OR7A10: variants seen among roughly 807,000 people sequenced by gnomAD.
OR7A10 encodes olfactory receptor family 7 subfamily A member 10.
For missense variants in OR7A10, 358 were observed against 370.1 expected (o/e 0.97, Z 0.27); for synonymous variants, 144 against 144.5 (o/e 1.00, Z 0.02).
At chr19:14,847,117 A>G (rs2044946566) in intron 1 of OR7A10, among the ~76,000 whole-genome samples, 1 of 152,266 alleles carries the variant, frequency 6.6e-6, no homozygotes, top group African/African-American at 2.4e-5. Flanking sequence ...TAACTCACAT[A>G]AAAGAACTAA....
chr19:14,845,567 G>C (rs899062614), intron 1 of OR7A10, among the ~76,000 whole-genome samples: 4 of 152,072 alleles, frequency 2.6e-5, no homozygotes, highest in Non-Finnish European at 5.9e-5. Context: ...TCTGTCACAC[G>C]CATCAGCCTG....
Position 14,840,963 on chromosome 19 carries a change from G to A in OR7A10, c.915C>T (p.Phe305=), listed in dbSNP as rs1214726427. 6.2e-7 allele frequency: 1 copy of A among 1,608,922 alleles called. No homozygotes were observed. Among genetic ancestry groups the A allele is most frequent in the African/African-American group, 1.3e-5 (1 of 74,750 alleles). The part of the protein sequence containing the change: ...KHIKGAMKTF[F]RGKQ ...AATAGCCTTTCTATTGCTTTCCTCT[G>A]AAGAATGTTTTCATAGCACCCTTTA... The change falls in exon 2 of 2, where the codon TTC becomes TTT. Residue 305 remains phenylalanine, a synonymous_variant. Coordinates refer to ENST00000641129, the MANE Select transcript of OR7A10 (RefSeq NM_001005190.2).
At position 14,841,652 on chromosome 19, in the gene OR7A10, T is replaced by C; in HGVS notation, c.226A>G (p.Thr76Ala). 1 of 1,614,114 alleles carries C rather than the reference T, an allele frequency of 6.2e-7. No individual in the cohort carries two copies. Among genetic ancestry groups the C allele is most frequent in the South Asian group, 1.1e-5 (1 of 91,076 alleles). The change falls in exon 2 of 2, where the codon ACC becomes GCC. Residue 76 changes from threonine (T) to alanine (A), a missense_variant. By Grantham distance (58) the Thr-to-Ala change is moderately conservative (BLOSUM62 0). Coordinates refer to ENST00000641129, the MANE Select transcript of OR7A10 (RefSeq NM_001005190.2). Reference protein sequence around the residue: ...LSFVDICFVSTTVPKMLVNIQ... With the variant: ...LSFVDICFVSATVPKMLVNIQ... Reference sequence around the variant, plus strand: ...TTCACCAGCATCTTCGGGACAGTGGTAGAGACAAAACAGATGTCTACGAAG... The same window carrying C: ...TTCACCAGCATCTTCGGGACAGTGGCAGAGACAAAACAGATGTCTACGAAG...
rs761024153 is a variant in OR7A10 at position 14,843,360 on chromosome 19, G to A, written c.-12-1471C>T. ...TCTAGCTAATTAGCATCTACATGAC[G>A]TCACCTTGTCATCATTTTTGTGAGG... is the stretch of plus-strand genomic sequence containing the variant. On this transcript the variant is annotated intron_variant, in intron 1 of 1. Transcript: ENST00000641129. Among the ~76,000 whole-genome samples, 8 of 152,258 alleles carry A rather than the reference G, an allele frequency of 5.3e-5. No homozygotes were observed. In the South Asian group the frequency reaches 6.2e-4, roughly 12 times the overall value.
chr19:14,845,254 C>A (rs531608815), intron 1 of OR7A10, among the ~76,000 whole-genome samples: 1 of 151,320 alleles, frequency 6.6e-6, no homozygotes, highest in African/African-American at 2.4e-5. Flanking sequence ...GCAGGCGGAC[C>A]GCCTGAGGTC....
chr19:14,845,620 T>C (rs1434817624), intron 1 of OR7A10, among the ~76,000 whole-genome samples: 1 of 152,158 alleles, frequency 6.6e-6, no homozygotes, highest in Non-Finnish European at 1.5e-5. Flanking sequence ...GGGTTGGAAC[T>C]TACAAACAGG....
At position 14,841,692 on chromosome 19, in the gene OR7A10, G is replaced by A. The variant is rs778663509; in HGVS notation, c.186C>T (p.Phe62=). 1 of 1,614,204 alleles carries A rather than the reference G, an allele frequency of 6.2e-7. No homozygotes were observed. The part of the protein sequence containing the change: ...DSHLHTPMYF[F]LSNLSFVDIC... ...TGTCTACGAAGGACAGGTTGGAGAG[G>A]AAGAAGTACATGGGGGTGTGGAGGT... Residue 62 remains phenylalanine (F), a synonymous_variant, in exon 2 of 2, where the codon TTC becomes TTT. Transcript: ENST00000641129.
In OR7A10 at chr19:14,848,813, G is replaced by T. The variant is rs2044956082; in HGVS notation, c.-326C>A. 1 of 152,180 alleles carries T rather than the reference G, an allele frequency of 6.6e-6. No individual in the cohort carries two copies. The highest frequency in any genetic ancestry group is 2.1e-4 in the South Asian group (1 of 4,830). The allele number at this position is 152,180 out of a possible 1,614,324, so 9.4% of individuals were successfully genotyped here. ...TGTGGGACATTGCTCTTCATGGAAA[G>T]AAATTTTTTTCTTGCATACTCAGTT... On this transcript the variant is annotated 5_prime_UTR_variant, in exon 1 of 2. Transcript: ENST00000641129.
intron 1 of OR7A10, among the ~76,000 whole-genome samples, chr19:14,842,282 C>T (rs188483232): frequency 2.6e-5 from 4 of 152,338 alleles, no homozygotes; most frequent in East Asian, 1.9e-4. Flanking sequence ...GATGGAGTCT[C>T]GCTCTGTCAC....
In OR7A10 at chr19:14,841,444, A is replaced by G. The variant is rs1417676372; in HGVS notation, c.434T>C (p.Val145Ala). ...IMNPQLCGLL[V>A]LASWIMSVLN... is the part of the protein sequence containing the mutation. ...AACACTCATGATCCAGGATGCCAGA[A>G]CCAGCAGTCCACAGAGTTGAGGGTT... Residue 145 changes from valine (V) to alanine (A), a missense_variant, in exon 2 of 2, where the codon GTT becomes GCT. By Grantham distance (64) the Val-to-Ala change is moderately conservative. Coordinates refer to ENST00000641129, the MANE Select transcript of OR7A10 (RefSeq NM_001005190.2). 1.2e-6 allele frequency: 2 copies of G among 1,614,076 alleles called. No homozygotes were observed. Among genetic ancestry groups the G allele is most frequent in the Non-Finnish European group, 1.7e-6 (2 of 1,180,042 alleles).
At chr19:14,847,617 C>T (rs2044948919) in intron 1 of OR7A10, among the ~76,000 whole-genome samples, 2 of 152,010 alleles carry the variant, frequency 1.3e-5, no homozygotes, top group South Asian at 2.1e-4. Flanking sequence ...TTGACGCCAT[C>T]CTCCTGCCTC....
At position 14,841,800 on chromosome 19, in the gene OR7A10, G is replaced by A; in HGVS notation, c.78C>T (p.Phe26=). 1 of 1,613,974 alleles carries A rather than the reference G, an allele frequency of 6.2e-7. No homozygotes were observed. Among genetic ancestry groups the A allele is most frequent in the Non-Finnish European group, 8.5e-7 (1 of 1,180,008 alleles). ...ACATGGACAGGAACAGCCCAAAGAG[G>A]AAGGCCTGCAATTCTGGTTCCTCTG... is the stretch of plus-strand genomic sequence containing the variant. ...GISEEPELQA[F]LFGLFLSMYL... The change falls in exon 2 of 2, where the codon TTC becomes TTT. Residue 26 remains phenylalanine (F), a synonymous_variant. Transcript: ENST00000641129.
At chr19:14,843,788 T>C (rs73506455) in intron 1 of OR7A10, among the ~76,000 whole-genome samples, 32,404 of 152,106 alleles carry the variant, frequency 0.21, 3,654 homozygotes, top group South Asian at 0.32. Flanking sequence ...ACAGAAGTCC[T>C]TGTGTTAGTT....
rs1348866444 is a variant in OR7A10 at position 14,844,664 on chromosome 19, G to GTTTTT, written c.-12-2780_-12-2776dup. Among the ~76,000 whole-genome samples, 196 of 97,654 alleles carry GTTTTT rather than the reference G, an allele frequency of 2.0e-3. 16 individuals carry two copies. The highest frequency in any genetic ancestry group is 0.011 in the Middle Eastern group (2 of 174). The allele number at this position is 97,654 out of a possible 152,430, so 64.1% of individuals were successfully genotyped here. ...TTTTCACTGTTGCCTTGAGTTCTGT[G>GTTTTT]TTTTTTTTTTTTTTTTGAGATGGAG... On this transcript the variant is annotated intron_variant, in intron 1 of 1. Transcript: ENST00000641129.
intron 1 of OR7A10, among the ~76,000 whole-genome samples, chr19:14,846,727 G>GAAAAAAAAAAAAAAAAAAA (rs1242384296): frequency 2.7e-5 from 2 of 75,090 alleles, no homozygotes. Flanking sequence ...AAAAAAAAAG[G>GAAAAAAAAAAAAAAAAAAA]AAAAGGAAGT....
intron 1 of OR7A10, among the ~76,000 whole-genome samples, chr19:14,847,002 A>G (rs1479469582): frequency 6.6e-6 from 1 of 152,354 alleles, no homozygotes; most frequent in East Asian, 1.9e-4. Context: ...TTGGCTACAC[A>G]AGCTTTTTAA....
At position 14,841,152 on chromosome 19, in the gene OR7A10, T is replaced by A. The variant is rs2044909029; in HGVS notation, c.726A>T (p.Ala242=). Reference sequence around the variant, plus strand: ...ATAAGGAGACAACTGAGAGGTGAGATGCACAGGTGGAAAATGCCTTATACT... The same window carrying A: ...ATAAGGAGACAACTGAGAGGTGAGAAGCACAGGTGGAAAATGCCTTATACT... ...QGKYKAFSTC[A]SHLSVVSLFY... Residue 242 remains alanine, a synonymous_variant, in exon 2 of 2, where the codon GCA becomes GCT. Transcript: ENST00000641129. 1.2e-6 allele frequency: 2 copies of A among 1,613,952 alleles called. No individual in the cohort carries two copies. Among genetic ancestry groups the A allele is most frequent in the South Asian group, 1.1e-5 (1 of 91,076 alleles).
rs988351397 is a variant in OR7A10 at position 14,845,427 on chromosome 19, A to C, written c.-13+3073T>G. On this transcript the variant is annotated intron_variant, in intron 1 of 1. Transcript: ENST00000641129. The stretch of plus-strand genomic sequence containing the variant: ...AAGGCGGAGGCTGTGGTGAGTTGAG[A>C]TTGCGCCCCTGGACTCCAGCCTGGG... Among the ~76,000 whole-genome samples, 10 of 152,070 alleles carry C rather than the reference A, an allele frequency of 6.6e-5. 1 individual carries two copies. The highest frequency in any genetic ancestry group is 3.9e-4 in the Admixed American group (6 of 15,262).
chr19:14,843,727 T>C (rs1599932298), intron 1 of OR7A10, among the ~76,000 whole-genome samples: 1 of 152,312 alleles, frequency 6.6e-6, no homozygotes, highest in East Asian at 1.9e-4. Flanking sequence ...ATCAAGTGAA[T>C]TTCGACATGT....
Sources: allele counts gnomAD v4.1 joint callset (sites outside exome capture counted in the v4.1 genomes callset), GRCh38; gene constraint gnomAD v4.1.1; transcripts MANE v1.5; gene names NCBI Gene and HGNC (gene_info 2026-07-23, HGNC 2026-07-21).